KCNH1: variants seen among roughly 807,000 people sequenced by gnomAD.
KCNH1 encodes potassium voltage-gated channel subfamily H member 1, also known as voltage-gated delayed rectifier potassium channel KCNH1.
A neutral mutation model predicts 69.2 loss-of-function variants in KCNH1; 27 were observed. The observed-to-expected ratio is 0.39, with a 90% CI of 0.29 to 0.54. The LOEUF (loss-of-function observed/expected upper bound fraction) is 0.54, where lower values mean the gene tolerates loss of function less well. KCNH1 is among the 20% of genes least tolerant of loss of function. The probability of loss-of-function intolerance (pLI) is 0.68; values close to 1 mark genes in which losing one functional copy is unlikely to be tolerated. For synonymous variants in KCNH1, 456 were observed against 487.7 expected (o/e 0.93, Z 0.86); for missense variants, 798 against 1,261.6 (o/e 0.63, Z 5.57).
intron 7 of KCNH1, among the ~76,000 whole-genome samples, chr1:210,875,363 A>G (rs982801398): frequency 5.3e-5 from 8 of 152,236 alleles, no homozygotes; most frequent in African/African-American, 1.9e-4. Context: ...GAAGAGTCAT[A>G]ATGATTAGAA....
At chr1:211,095,775 G>T (rs550067682) in intron 3 of KCNH1, among the ~76,000 whole-genome samples, 16 of 152,286 alleles carry the variant, frequency 1.1e-4, no homozygotes, top group African/African-American at 3.4e-4. Flanking sequence ...AGAACAATTG[G>T]TCTGGGGTCA....
rs60773247 is a variant in KCNH1, at chr1:210,759,156, G to GAC, written c.2112+16190_2112+16191dup. Among the ~76,000 whole-genome samples, 374 of 148,506 alleles carry GAC rather than the reference G, an allele frequency of 2.5e-3. 2 individuals are homozygous for GAC. Among genetic ancestry groups the GAC allele is most frequent in the African/African-American group, 6.9e-3 (274 of 39,652 alleles). Reference sequence around the variant, plus strand: ...CCTATCCAAACCTATCCAAATGATAGACACACACACACACACACACATATT... The same window carrying GAC: ...CCTATCCAAACCTATCCAAATGATAGACACACACACACACACACACACATATT... On this transcript the variant is annotated intron_variant, in intron 10 of 10. Coordinates refer to ENST00000271751, the MANE Select transcript of KCNH1 (RefSeq NM_172362.3).
intron 7 of KCNH1, among the ~76,000 whole-genome samples, chr1:210,883,897 T>C (rs1395765911): frequency 1.3e-5 from 2 of 152,230 alleles, no homozygotes; most frequent in Non-Finnish European, 2.9e-5. Flanking sequence ...CATCAAATGA[T>C]TAAACTTGGA....
intron 6 of KCNH1, among the ~76,000 whole-genome samples, chr1:210,972,057 G>C (rs2102367896): frequency 6.6e-6 from 1 of 152,136 alleles, no homozygotes; most frequent in South Asian, 2.1e-4. Context: ...GACCTTATGT[G>C]AGCACTCTAA....
intron 6 of KCNH1, among the ~76,000 whole-genome samples, chr1:210,992,664 G>A (rs4951701): frequency 6.6e-6 from 1 of 152,030 alleles, no homozygotes; most frequent in Non-Finnish European, 1.5e-5. Context: ...CTTCTTTCCT[G>A]TAAGTGTTAC....
chr1:210,764,128 C>A (rs1683574383), intron 10 of KCNH1, among the ~76,000 whole-genome samples: 1 of 151,920 alleles, frequency 6.6e-6, no homozygotes, highest in Non-Finnish European at 1.5e-5. Context: ...GAAAGAATAC[C>A]CTATTCAATA....
At chr1:210,859,807 C>G (rs1558500436) in intron 7 of KCNH1, 3 of 1,034,046 alleles carry the variant, frequency 2.9e-6, no homozygotes, top group Non-Finnish European at 4.6e-6. Flanking sequence ...CCCCAAGAAA[C>G]AGTCAACATC....
intron 5 of KCNH1, among the ~76,000 whole-genome samples, chr1:211,026,373 A>G (rs1360886192): frequency 7.9e-6 from 1 of 126,742 alleles, no homozygotes; most frequent in Non-Finnish European, 1.6e-5. Context: ...CAAGGAGTAT[A>G]GACAAAAAAA....
chr1:210,841,987 C>T (rs1685422949), intron 7 of KCNH1, among the ~76,000 whole-genome samples: 1 of 152,122 alleles, frequency 6.6e-6, no homozygotes, highest in South Asian at 2.1e-4. Flanking sequence ...AACATGAGCT[C>T]CTTCTTCAAC....
chr1:211,015,602 C>G (rs930328274), intron 6 of KCNH1, among the ~76,000 whole-genome samples: 4 of 152,120 alleles, frequency 2.6e-5, no homozygotes, highest in African/African-American at 9.7e-5. Flanking sequence ...GGAGGTAAGA[C>G]TAATGCAGAT....
At chr1:210,726,472 C>A (rs1286470734) in intron 10 of KCNH1, among the ~76,000 whole-genome samples, 1 of 152,166 alleles carries the variant, frequency 6.6e-6, no homozygotes, top group Non-Finnish European at 1.5e-5. Flanking sequence ...AGGTATGTAG[C>A]AAATCATCTC....
At chr1:210,854,270 G>A (rs1320474823) in intron 7 of KCNH1, among the ~76,000 whole-genome samples, 1 of 152,052 alleles carries the variant, frequency 6.6e-6, no homozygotes, top group Admixed American at 6.5e-5. Context: ...TCATTTCACA[G>A]AATAACAAAA....
intron 10 of KCNH1, among the ~76,000 whole-genome samples, chr1:210,760,523 C>CA (rs1288749692): frequency 3.9e-5 from 6 of 152,220 alleles, no homozygotes; most frequent in African/African-American, 1.2e-4. Context: ...ACCAGTCCTA[C>CA]AAAAAATGCT....
chr1:210,748,465 T>G (rs1189521658), intron 10 of KCNH1, among the ~76,000 whole-genome samples: 1 of 152,192 alleles, frequency 6.6e-6, no homozygotes, highest in Non-Finnish European at 1.5e-5. Context: ...TTAGAGATAA[T>G]ACAGTGCCTA....
At chr1:210,810,897 CT>C (rs1178906226) in intron 7 of KCNH1, among the ~76,000 whole-genome samples, 1 of 152,138 alleles carries the variant, frequency 6.6e-6, no homozygotes, top group East Asian at 1.9e-4. Flanking sequence ...TGATTAAAAG[CT>C]TTAAGTGAAT....
chr1:211,000,846 A>G (rs139994687), intron 6 of KCNH1, among the ~76,000 whole-genome samples: 1,838 of 152,338 alleles, frequency 0.012, 16 homozygotes, highest in Middle Eastern at 0.034. Context: ...CAGAGCCCTC[A>G]GAAATAATAC....
At chr1:210,867,007 G>A (rs1686124103) in intron 7 of KCNH1, among the ~76,000 whole-genome samples, 1 of 152,006 alleles carries the variant, frequency 6.6e-6, no homozygotes, top group African/African-American at 2.4e-5. Flanking sequence ...AAATAAGCCA[G>A]TCACAAAAGA....
chr1:210,805,887 C>A, intron 7 of KCNH1, among the ~76,000 whole-genome samples: 1 of 152,272 alleles, frequency 6.6e-6, no homozygotes, highest in East Asian at 1.9e-4. Context: ...TCCAGCTTCA[C>A]CCCATGTTGT....
chr1:210,720,266 G>A (rs74156049), intron 10 of KCNH1, among the ~76,000 whole-genome samples: 1,627 of 152,246 alleles, frequency 0.011, 25 homozygotes, highest in African/African-American at 0.035. Flanking sequence ...TAGAAAGTGA[G>A]GTATGGGAAC....
Sources: gnomAD v4.1 joint callset for allele counts (sites outside exome capture counted in the v4.1 genomes callset) on GRCh38, gnomAD v4.1.1 for gene constraint, MANE v1.5 for transcripts, NCBI Gene and HGNC (gene_info 2026-07-23, HGNC 2026-07-21) for gene names.